Variants in HIBCH observed in about 807,000 individuals in gnomAD.
The protein encoded by HIBCH is 3-hydroxyisobutyryl-CoA hydrolase.
In HIBCH, 50 loss-of-function variants were observed where a neutral mutation model predicts 58.2. The observed-to-expected ratio is 0.86, with a 90% CI of 0.68 to 1.09. The LOEUF (loss-of-function observed/expected upper bound fraction) is 1.09. Among genes scored for constraint, HIBCH ranks in the 50% least tolerant of loss-of-function variants. HIBCH has a pLI of 0.00. For synonymous variants in HIBCH, 151 were observed against 146.9 expected (o/e 1.03, Z -0.20); for missense variants, 450 against 449.7 (o/e 1.00, Z -0.01).
At chr2:190,222,538 C>G (rs1685751867) in intron 11 of HIBCH, among the ~76,000 whole-genome samples, 1 of 152,080 alleles carries the variant, frequency 6.6e-6, no homozygotes, top group Non-Finnish European at 1.5e-5. Context: ...CATCACTGGT[C>G]ATTAGAGAAA....
In HIBCH at chr2:190,261,204, G is replaced by T. The variant is rs148693438; in HGVS notation, c.469C>A (p.Arg157=). ...GVGLSVHGQF[R]VATEKCLFAM... The stretch of plus-strand genomic sequence containing the variant: ...AAAAGACACTTTTCTGTAGCCACTC[G>T]AAATTGCCCATGGACTGAGAGACCA... Residue 157 remains arginine (R), a synonymous_variant, in exon 7 of 14, where the codon CGA becomes AGA. Coordinates refer to ENST00000359678, the MANE Select transcript of HIBCH (RefSeq NM_014362.4). 1.2e-5 allele frequency: 19 copies of T among 1,607,246 alleles called. No individual in the cohort carries two copies. The African/African-American group carries it at 1.9e-4, about 16-fold the overall frequency.
chr2:190,272,436 G>A (rs145133231), intron 6 of HIBCH, among the ~76,000 whole-genome samples: 20 of 152,246 alleles, frequency 1.3e-4, no homozygotes, highest in African/African-American at 4.6e-4. Context: ...GCTCTCCTCC[G>A]CTTTTCTTCT....
At chr2:190,293,858 C>T (rs1189385503) in intron 4 of HIBCH, among the ~76,000 whole-genome samples, 1 of 151,708 alleles carries the variant, frequency 6.6e-6, no homozygotes, top group Non-Finnish European at 1.5e-5. Context: ...GACACTGATG[C>T]TGAGAACAGA....
intron 7 of HIBCH, among the ~76,000 whole-genome samples, chr2:190,258,583 G>A (rs1231792350): frequency 6.6e-6 from 1 of 152,190 alleles, no homozygotes; most frequent in African/African-American, 2.4e-5. Flanking sequence ...CCTTGCATCA[G>A]TGTAGCCTGG....
intron 2 of HIBCH, among the ~76,000 whole-genome samples, chr2:190,300,248 C>G (rs1688226359): frequency 1.3e-5 from 2 of 152,212 alleles, no homozygotes; most frequent in African/African-American, 4.8e-5. Flanking sequence ...ACACCGCTTT[C>G]CACAATGGTG....
downstream of HIBCH, chr2:190,203,013 T>A (rs1343183232): frequency 6.1e-6 from 1 of 163,992 alleles, no homozygotes; most frequent in Non-Finnish European, 1.5e-5. Context: ...AAAAAAATGA[T>A]AATCACCTTA....
downstream of HIBCH, chr2:190,200,274 CTAT>C: frequency 1.3e-6 from 1 of 750,828 alleles, no homozygotes; most frequent in South Asian, 1.8e-5. Context: ...GATAATGTCA[CTAT>C]TATAAGAACA....
At chr2:190,276,298 C>T (rs1166616654) in intron 6 of HIBCH, among the ~76,000 whole-genome samples, 2 of 152,156 alleles carry the variant, frequency 1.3e-5, no homozygotes, top group South Asian at 2.1e-4. Context: ...CTACTTACTC[C>T]GCTCATCAAA....
intron 11 of HIBCH, among the ~76,000 whole-genome samples, chr2:190,240,938 T>C (rs1167433143): frequency 6.6e-6 from 1 of 152,194 alleles, no homozygotes. Context: ...GTACTGAAAA[T>C]AACGTATATT....
At chr2:190,195,021 A>G (rs34781720) in intron 1 of HIBCH, among the ~76,000 whole-genome samples, 35 of 151,884 alleles carry the variant, frequency 2.3e-4, no homozygotes, top group Middle Eastern at 6.8e-3. Flanking sequence ...TGCCTGGCTA[A>G]TTTTTTTCAT....
chr2:190,199,778 ACATGGACAAAT>A, downstream of HIBCH: 1 of 1,556,964 alleles, frequency 6.4e-7, no homozygotes, highest in Non-Finnish European at 8.7e-7. Flanking sequence ...GGTCAACATC[ACATGGACAAAT>A]TTCATTGTTT....
intron 6 of HIBCH, among the ~76,000 whole-genome samples, chr2:190,269,013 A>T (rs1377736943): frequency 6.6e-6 from 1 of 152,200 alleles, no homozygotes; most frequent in East Asian, 1.9e-4. Context: ...TGGTGCTGGG[A>T]AAACTGGTTA....
chr2:190,307,166 A>T (rs1423380069), intron 2 of HIBCH, among the ~76,000 whole-genome samples: 1 of 152,192 alleles, frequency 6.6e-6, no homozygotes, highest in Non-Finnish European at 1.5e-5. Flanking sequence ...GACTATTAAT[A>T]ATTCTAGGAC....
At chr2:190,302,354 A>G (rs1688286678) in intron 2 of HIBCH, among the ~76,000 whole-genome samples, 2 of 152,198 alleles carry the variant, frequency 1.3e-5, no homozygotes, top group South Asian at 4.1e-4. Context: ...ATGTATGCAC[A>G]TGCATGCCAT....
At chr2:190,266,548 C>A (rs931960253) in intron 6 of HIBCH, among the ~76,000 whole-genome samples, 7 of 152,026 alleles carry the variant, frequency 4.6e-5, no homozygotes, top group African/African-American at 1.7e-4. Context: ...ATTCTCCTGC[C>A]TCGGCCTCCG....
chr2:190,298,106 T>C (rs751504614), intron 2 of HIBCH, among the ~76,000 whole-genome samples: 1 of 152,204 alleles, frequency 6.6e-6, no homozygotes, highest in African/African-American at 2.4e-5. Flanking sequence ...CATGGCTGCA[T>C]AGTATTCCAT....
rs757976613 is a variant in HIBCH, at chr2:190,246,243, T to A, written c.751-31A>T. On this transcript the variant is annotated intron_variant, in intron 9 of 13. Transcript: ENST00000359678. ...TGAAAAGAAAAATCTTTTAATAAAT[T>A]TGAACACAATTTTTTAATCCTTAAA... 28 of 1,289,132 alleles carry A rather than the reference T, an allele frequency of 2.2e-5. No homozygotes were observed. In the South Asian group the frequency reaches 3.5e-4, roughly 16 times the overall value. 79.9% of individuals were successfully genotyped at this position (1,289,132 alleles called of 1,614,324 possible). A position where few individuals can be genotyped will look rare whatever the true frequency, so the allele number is the denominator to read the frequency against.
At chr2:190,194,475 TATACACACACACACACACACACAC>T (rs1187991300) in intron 1 of HIBCH, among the ~76,000 whole-genome samples, 33 of 126,912 alleles carry the variant, frequency 2.6e-4, no homozygotes, top group African/African-American at 8.8e-4. Context: ...GTATCCTGTG[TATACACACACACACACACACACAC>T]ACACACACAC....
intron 6 of HIBCH, among the ~76,000 whole-genome samples, chr2:190,269,105 C>G (rs1053100709): frequency 6.6e-6 from 1 of 152,116 alleles, no homozygotes; most frequent in African/African-American, 2.4e-5. Context: ...AAGACTTAAA[C>G]GTAAGACCTA....
Sources: gnomAD v4.1 joint callset for allele counts (sites outside exome capture counted in the v4.1 genomes callset) on GRCh38, gnomAD v4.1.1 for gene constraint, MANE v1.5 for transcripts, NCBI Gene and HGNC (gene_info 2026-07-23, HGNC 2026-07-21) for gene names.